The following ANKFN1 variants were observed in gnomAD, a reference collection of about 807,000 sequenced individuals.
The protein encoded by ANKFN1 is ankyrin repeat and fibronectin type-III domain-containing protein 1.
Under a neutral mutation model 108.7 loss-of-function variants are expected in ANKFN1, and 74 were observed. The observed-to-expected ratio is 0.68, with a 90% CI of 0.56 to 0.83. ANKFN1 has a LOEUF of 0.83. Among genes scored for constraint, ANKFN1 ranks in the 40% least tolerant of loss-of-function variants. ANKFN1 has a pLI of 0.00. For synonymous variants in ANKFN1, 547 were observed against 516.2 expected, an observed-to-expected ratio of 1.06 and a Z score of -0.81; for missense variants, 1,505 against 1,382.3, an observed-to-expected ratio of 1.09 and a Z score of -1.41.
chr17:56,064,125 C>T (rs1185792560), intron 4 of ANKFN1, among the ~76,000 whole-genome samples: 1 of 152,168 alleles, frequency 6.6e-6, no homozygotes, highest in Non-Finnish European at 1.5e-5. Flanking sequence ...ACTCCTTCTT[C>T]TGGGATCTCT....
chr17:56,208,694 A>G (rs1478305122), intron 1 of ANKFN1, among the ~76,000 whole-genome samples: 1 of 152,140 alleles, frequency 6.6e-6, no homozygotes, highest in Non-Finnish European at 1.5e-5. Context: ...GTCATCCTTT[A>G]TAGTCCAATA....
chr17:56,346,947 G>A (rs2046120846), intron 4 of ANKFN1, among the ~76,000 whole-genome samples: 1 of 151,870 alleles, frequency 6.6e-6, no homozygotes, highest in African/African-American at 2.4e-5. Context: ...TACAATCTCT[G>A]TGACTTTGGG....
intron 11 of ANKFN1, among the ~76,000 whole-genome samples, chr17:56,454,613 C>A (rs2049621379): frequency 6.6e-6 from 1 of 152,196 alleles, no homozygotes. Flanking sequence ...GGTGACCTGG[C>A]ACCACCTTTC....
intron 2 of ANKFN1, among the ~76,000 whole-genome samples, chr17:56,219,653 C>T (rs1915700183): frequency 6.6e-6 from 1 of 152,216 alleles, no homozygotes; most frequent in Non-Finnish European, 1.5e-5. Context: ...CTTAGTGTCT[C>T]TATCCTGAAG....
chr17:56,247,302 A>T (rs1158763354), intron 3 of ANKFN1, among the ~76,000 whole-genome samples: 1 of 152,196 alleles, frequency 6.6e-6, no homozygotes, highest in Admixed American at 6.5e-5. Flanking sequence ...AGGGATTTAA[A>T]TGTATAGTAT....
intron 3 of ANKFN1, among the ~76,000 whole-genome samples, chr17:56,237,356 A>T (rs951979012): frequency 6.6e-6 from 1 of 152,090 alleles, no homozygotes; most frequent in African/African-American, 2.4e-5. Flanking sequence ...AAACACCCAC[A>T]TCTTTTACAT....
At chr17:56,410,629 T>C (rs922647446) in intron 8 of ANKFN1, among the ~76,000 whole-genome samples, 1 of 152,186 alleles carries the variant, frequency 6.6e-6, no homozygotes, top group East Asian at 1.9e-4. Context: ...ATCACTAAAA[T>C]TTTTTCTACC....
At chr17:56,365,657 T>C (rs1294912489) in intron 6 of ANKFN1, among the ~76,000 whole-genome samples, 1 of 152,190 alleles carries the variant, frequency 6.6e-6, no homozygotes, top group African/African-American at 2.4e-5. Flanking sequence ...AAGCTATGTA[T>C]ATGAAGGTGG....
chr17:56,223,285 T>G (rs1916013447), intron 2 of ANKFN1, among the ~76,000 whole-genome samples: 1 of 152,250 alleles, frequency 6.6e-6, no homozygotes, highest in Non-Finnish European at 1.5e-5. Flanking sequence ...TTCACTTCTT[T>G]GTGTGCTTCA....
chr17:56,093,152 G>C (rs1479487164), intron 4 of ANKFN1, among the ~76,000 whole-genome samples: 1 of 151,300 alleles, frequency 6.6e-6, no homozygotes, highest in African/African-American at 2.4e-5. Context: ...GGGCCACCTT[G>C]GCGGGGAGAG....
intron 15 of ANKFN1, among the ~76,000 whole-genome samples, chr17:56,470,064 T>C (rs989809899): frequency 1.3e-5 from 2 of 152,204 alleles, no homozygotes; most frequent in African/African-American, 4.8e-5. Flanking sequence ...CTGCATTAGT[T>C]TGCTGAGGAT....
rs140491441 is a variant in ANKFN1 at position 56,344,722 on chromosome 17, C to T, written c.189-6044C>T. Among the ~76,000 whole-genome samples, 368 of 151,848 alleles carry T rather than the reference C, an allele frequency of 2.4e-3. 2 individuals are homozygous for T. The highest frequency in any genetic ancestry group is 8.5e-3 in the African/African-American group (352 of 41,440). ...GCCCTTCATGAGCTCTAAGTCAGAG[C>T]GAATGAAGATAAGCCTTGTGAGTAG... On this transcript the variant is annotated intron_variant, in intron 4 of 20. Transcript: ENST00000682825.
intron 4 of ANKFN1, among the ~76,000 whole-genome samples, chr17:56,076,936 A>G (rs1233418326): frequency 6.6e-6 from 1 of 152,198 alleles, no homozygotes; most frequent in Admixed American, 6.5e-5. Flanking sequence ...TTTCTGGGAT[A>G]TCTCTAGGGT....
chr17:56,236,099 C>T (rs1275249060), intron 3 of ANKFN1, among the ~76,000 whole-genome samples: 2 of 151,650 alleles, frequency 1.3e-5, no homozygotes, highest in African/African-American at 2.4e-5. Context: ...ACTCTGTCAC[C>T]CAGGCTGGAG....
intron 3 of ANKFN1, chr17:56,245,956 A>G (rs376879440): frequency 2.0e-5 from 3 of 152,210 alleles, no homozygotes; most frequent in African/African-American, 7.2e-5. Flanking sequence ...AGAAAAAAGC[A>G]GATGGACCTC....
chr17:56,229,082 C>G (rs1347809456), intron 3 of ANKFN1, among the ~76,000 whole-genome samples: 3 of 152,170 alleles, frequency 2.0e-5, no homozygotes, highest in East Asian at 3.9e-4. Context: ...ATAAATTGAT[C>G]CCACTGCTGT....
intron 1 of ANKFN1, among the ~76,000 whole-genome samples, chr17:56,211,513 A>C (rs1598246441): frequency 6.6e-6 from 1 of 152,130 alleles, no homozygotes; most frequent in East Asian, 1.9e-4. Flanking sequence ...CTATGGCTTT[A>C]TACTATAGTT....
chr17:56,163,148 T>G (rs1267223681), intron 1 of ANKFN1, among the ~76,000 whole-genome samples: 2 of 151,880 alleles, frequency 1.3e-5, no homozygotes, highest in Non-Finnish European at 2.9e-5. Flanking sequence ...GATAAACAGG[T>G]TTTTCTCCCC....
intron 8 of ANKFN1, among the ~76,000 whole-genome samples, chr17:56,395,245 C>T (rs2047546646): frequency 6.6e-6 from 1 of 152,156 alleles, no homozygotes. Flanking sequence ...TTTTAAAGCA[C>T]TTAGGGACTA....
Sources: gnomAD v4.1 joint callset for allele counts (sites outside exome capture counted in the v4.1 genomes callset) on GRCh38, gnomAD v4.1.1 for gene constraint, MANE v1.5 for transcripts, NCBI Gene and HGNC (gene_info 2026-07-23, HGNC 2026-07-21) for gene names.